PDE8A: variants seen among roughly 807,000 people sequenced by gnomAD.
PDE8A encodes the protein phosphodiesterase 8A, also known as high affinity cAMP-specific and IBMX-insensitive 3',5'-cyclic phosphodiesterase 8A.
A neutral mutation model predicts 105.0 loss-of-function variants in PDE8A; 59 were observed. The observed-to-expected ratio is 0.56, with a 90% CI of 0.46 to 0.70. PDE8A has a LOEUF of 0.70. PDE8A is among the 30% of genes least tolerant of loss of function. The pLI, the probability that PDE8A is intolerant of heterozygous loss-of-function variation, is 0.00. For synonymous variants in PDE8A, 355 were observed against 371.9 expected (o/e 0.95, Z 0.52); for missense variants, 1,014 against 1,045.9 (o/e 0.97, Z 0.42).
intron 1 of PDE8A, among the ~76,000 whole-genome samples, chr15:84,994,161 T>C (rs79864017): frequency 0.014 from 2,182 of 152,328 alleles, 31 homozygotes; most frequent in Non-Finnish European, 0.018. Context: ...CTCAGCTCTT[T>C]AGCCCACTGA....
chr15:85,056,282 G>A (rs533983270), intron 1 of PDE8A, among the ~76,000 whole-genome samples: 73 of 152,092 alleles, frequency 4.8e-4, no homozygotes, highest in African/African-American at 1.5e-3. Flanking sequence ...TGACAATTAC[G>A]TGTCTTGGAG....
chr15:84,980,897 T>G (rs1234898547), upstream of PDE8A, among the ~76,000 whole-genome samples: 2 of 152,186 alleles, frequency 1.3e-5, no homozygotes, highest in Non-Finnish European at 2.9e-5. Context: ...CCGGCGCCTG[T>G]GTAATCCGAG....
At chr15:85,050,992 T>A (rs2080964074) in intron 1 of PDE8A, among the ~76,000 whole-genome samples, 1 of 152,202 alleles carries the variant, frequency 6.6e-6, no homozygotes, top group South Asian at 2.1e-4. Flanking sequence ...TCAGCAATAT[T>A]TTGTAGTTTC....
Position 85,116,114 on chromosome 15 carries a change from C to G in PDE8A, c.1530C>G (p.His510Gln). Residue 510 changes from histidine (H) to glutamine (Q), a missense_variant, in exon 16 of 22, where the codon CAC (histidine) becomes CAG (glutamine). Physicochemically the swap from His to Gln is conservative, Grantham distance 24. Coordinates refer to ENST00000394553, the MANE Select transcript of PDE8A (RefSeq NM_002605.3). ...FDIFELEAAT[H>Q]NRPLIYLGLK... ...TTTTTGAACTGGAGGCTGCCACCCACAATAGGTGAGTTCATGCAGAGCTCA... is the reference window on the plus strand; with the variant it reads ...TTTTTGAACTGGAGGCTGCCACCCAGAATAGGTGAGTTCATGCAGAGCTCA... 6.2e-7 allele frequency: 1 copy of G among 1,613,968 alleles called. No homozygotes were observed. Among genetic ancestry groups the G allele is most frequent in the Non-Finnish European group, 8.5e-7 (1 of 1,179,906 alleles).
intron 1 of PDE8A, among the ~76,000 whole-genome samples, chr15:84,995,305 C>G (rs559821463): frequency 6.9e-6 from 1 of 145,334 alleles, no homozygotes; most frequent in African/African-American, 2.6e-5. Context: ...AGTGGAGTTA[C>G]ACAGTATGTA....
intron 1 of PDE8A, among the ~76,000 whole-genome samples, chr15:85,040,362 C>T (rs1256189468): frequency 1.4e-5 from 2 of 141,742 alleles, no homozygotes; most frequent in Non-Finnish European, 3.1e-5. Context: ...CAGCCAAGAC[C>T]TCTTCTCTAA....
chr15:85,137,237 C>CA (rs2082425228), intron 21 of PDE8A, among the ~76,000 whole-genome samples: 1 of 152,198 alleles, frequency 6.6e-6, no homozygotes. Context: ...GGCCGTAGAA[C>CA]AGGGGTAGGC....
At chr15:85,053,380 A>G (rs1008883360) in intron 1 of PDE8A, among the ~76,000 whole-genome samples, 9 of 152,164 alleles carry the variant, frequency 5.9e-5, no homozygotes, top group African/African-American at 2.2e-4. Context: ...AGCTTGATGG[A>G]GATGGCATTT....
intron 3 of PDE8A, among the ~76,000 whole-genome samples, chr15:85,075,026 C>G (rs747159132): frequency 2.0e-5 from 3 of 152,232 alleles, no homozygotes. Context: ...TGGAGTTGTT[C>G]TTCTCTAGAG....
At chr15:85,017,337 T>C (rs985460977) in intron 1 of PDE8A, among the ~76,000 whole-genome samples, 3 of 152,204 alleles carry the variant, frequency 2.0e-5, no homozygotes, top group African/African-American at 7.2e-5. Flanking sequence ...AGTTCTCTGA[T>C]TTGTAATACA....
At chr15:85,034,990 G>A (rs1596461275) in intron 1 of PDE8A, among the ~76,000 whole-genome samples, 1 of 152,082 alleles carries the variant, frequency 6.6e-6, no homozygotes, top group African/African-American at 2.4e-5. Context: ...ATGCACAAAG[G>A]AAAGTAGCCT....
chr15:85,012,369 T>TA (rs1443871352), intron 1 of PDE8A, among the ~76,000 whole-genome samples: 2 of 152,044 alleles, frequency 1.3e-5, no homozygotes, highest in Admixed American at 1.3e-4. Context: ...TATGCAGCCA[T>TA]AAAAAATGAT....
Position 85,115,995 on chromosome 15 carries a change from G to T in PDE8A, c.1411G>T (p.Val471Phe), listed in dbSNP as rs1452564420. The T allele has an allele frequency of 1.9e-6, 3 of 1,613,308 alleles. No individual in the cohort carries two copies. The African/African-American group carries it at 4.0e-5, about 22-fold the overall frequency. The change falls in exon 16 of 22, where the codon GTT (valine) becomes TTT (phenylalanine). Residue 471 changes from valine (V) to phenylalanine (F), a missense_variant. Transcript: ENST00000394553. ...YVLSTKNTQM[V>F]SSNIITPISL... Reference sequence around the variant, plus strand: ...ACATCACTTTACAGACACTCAAATGGTTTCAAGCAATATAATCACTCCCAT... The same window carrying T: ...ACATCACTTTACAGACACTCAAATGTTTTCAAGCAATATAATCACTCCCAT...
chr15:85,066,167 C>T (rs7402179), intron 2 of PDE8A, among the ~76,000 whole-genome samples: 82,035 of 152,038 alleles, frequency 0.54, 23,304 homozygotes, highest in African/African-American at 0.74. Context: ...AACTTTCTTT[C>T]AGCTAAAATA....
chr15:85,117,533 T>G, intron 16 of PDE8A, 108 bp from the exon 17 acceptor site: 2 of 893,960 alleles, frequency 2.2e-6, no homozygotes, highest in Non-Finnish European at 3.6e-6. Context: ...AATCTCCACT[T>G]TGCTGCCCTG....
At chr15:85,107,537 T>C (rs2081964704) in intron 11 of PDE8A, among the ~76,000 whole-genome samples, 1 of 152,098 alleles carries the variant, frequency 6.6e-6, no homozygotes, top group Non-Finnish European at 1.5e-5. Flanking sequence ...GAGCAGGGGA[T>C]AGACTGGAGG....
intron 21 of PDE8A, 37 bp from the exon 22 acceptor site, chr15:85,137,760 C>A: frequency 8.1e-7 from 1 of 1,242,074 alleles, no homozygotes. Flanking sequence ...TAAACAGAGG[C>A]TGTGAAAGCA....
chr15:85,079,879 C>T (rs1322818338), intron 5 of PDE8A, among the ~76,000 whole-genome samples: 2 of 151,838 alleles, frequency 1.3e-5, no homozygotes, highest in African/African-American at 4.8e-5. Context: ...CACCACTGCA[C>T]TCCAGCCTGC....
chr15:85,031,772 G>C (rs780350317), intron 1 of PDE8A, among the ~76,000 whole-genome samples: 2 of 152,094 alleles, frequency 1.3e-5, no homozygotes, highest in African/African-American at 4.8e-5. Flanking sequence ...GCTGTTATTG[G>C]TGGTGACGGC....
Sources: allele counts gnomAD v4.1 joint callset (sites outside exome capture counted in the v4.1 genomes callset), GRCh38; gene constraint gnomAD v4.1.1; transcripts MANE v1.5; gene names NCBI Gene and HGNC (gene_info 2026-07-23, HGNC 2026-07-21).